The following RANBP2 variants were observed in gnomAD, a reference collection of about 807,000 sequenced individuals.
RANBP2 encodes the protein E3 SUMO-protein ligase RanBP2.
Under a neutral mutation model 303.6 loss-of-function variants are expected in RANBP2, and 57 were observed. That is an observed-to-expected ratio of 0.19 (90% CI 0.15 to 0.23). The LOEUF (loss-of-function observed/expected upper bound fraction) is 0.23. RANBP2 is among the 10% of genes least tolerant of loss of function. The pLI is 1.00. For synonymous variants in RANBP2, 1,167 were observed against 1,301.5 expected (o/e 0.90, Z 2.23); for missense variants, 3,138 against 3,780.8 (o/e 0.83, Z 4.46).
chr2:108,788,354 A>G (rs1679284126), downstream of RANBP2, among the ~76,000 whole-genome samples: 1 of 151,874 alleles, frequency 6.6e-6, no homozygotes, highest in South Asian at 2.1e-4. Context: ...CGGGAGGCAG[A>G]GGTTGCAGTG....
chr2:108,843,890 T>G, the RANBP2 span, among the ~76,000 whole-genome samples: 12 of 130,218 alleles, frequency 9.2e-5, no homozygotes, highest in South Asian at 3.2e-3. Flanking sequence ...TTCTTTCTTT[T>G]TTTTTTTTTT....
chr2:109,544,565 A>C, the RANBP2 span: 1 of 982,866 alleles, frequency 1.0e-6, no homozygotes, highest in Non-Finnish European at 1.2e-6. Context: ...GAGCAGGGTG[A>C]TAATTTTTAC....
chr2:109,352,583 A>G, the RANBP2 span, among the ~76,000 whole-genome samples: 1 of 152,210 alleles, frequency 6.6e-6, no homozygotes, highest in Non-Finnish European at 1.5e-5. Flanking sequence ...ATCATGAGAT[A>G]AGCTTGTGCG....
intron 21 of RANBP2, 29 bp downstream of exon 21, chr2:108,771,900 C>G: frequency 1.2e-6 from 2 of 1,613,320 alleles, no homozygotes; most frequent in Non-Finnish European, 1.7e-6. Flanking sequence ...CAAAAATCCT[C>G]TGTTCCCGCT....
the RANBP2 span, among the ~76,000 whole-genome samples, chr2:108,955,507 G>A: frequency 6.6e-6 from 1 of 152,132 alleles, no homozygotes; most frequent in Non-Finnish European, 1.5e-5. Context: ...TAGCACTCTG[G>A]GAGGCCGTGG....
the RANBP2 span, among the ~76,000 whole-genome samples, chr2:108,975,007 C>A: frequency 6.6e-6 from 1 of 152,222 alleles, no homozygotes; most frequent in African/African-American, 2.4e-5. Context: ...TGCAAGTCCC[C>A]TCAGCAAGCA....
chr2:109,303,101 C>G, the RANBP2 span, among the ~76,000 whole-genome samples: 26 of 152,286 alleles, frequency 1.7e-4, no homozygotes, highest in African/African-American at 5.8e-4. Flanking sequence ...GTCTCCAACT[C>G]CTGACCTCAG....
chr2:109,463,678 A>G, the RANBP2 span, among the ~76,000 whole-genome samples: 3 of 152,210 alleles, frequency 2.0e-5, no homozygotes, highest in Admixed American at 6.5e-5. Flanking sequence ...GGAGATGTTC[A>G]TGTTTGTTTC....
chr2:109,029,848 GA>G, the RANBP2 span, among the ~76,000 whole-genome samples: 1 of 152,220 alleles, frequency 6.6e-6, no homozygotes, highest in Non-Finnish European at 1.5e-5. Flanking sequence ...AATGGATGCA[GA>G]CATCCTTAGC....
chr2:109,719,351 T>C, the RANBP2 span, among the ~76,000 whole-genome samples: 1 of 151,002 alleles, frequency 6.6e-6, no homozygotes, highest in Non-Finnish European at 1.5e-5. Flanking sequence ...CCTCCCACCT[T>C]GGCCTCCCAA....
the RANBP2 span, among the ~76,000 whole-genome samples, chr2:109,278,265 C>CACTTT: frequency 6.6e-6 from 1 of 152,212 alleles, no homozygotes; most frequent in South Asian, 2.1e-4. Context: ...CCACGGTAGG[C>CACTTT]ACTTTATCGG....
At chr2:109,385,755 T>C in the RANBP2 span, among the ~76,000 whole-genome samples, 2 of 152,210 alleles carry the variant, frequency 1.3e-5, no homozygotes, top group Admixed American at 1.3e-4. Context: ...GTGGACTGTG[T>C]TATGGCTGCA....
At chr2:108,782,499 T>G in intron 27 of RANBP2, 29 bp from the exon 28 acceptor site, 1 of 1,613,418 alleles carries the variant, frequency 6.2e-7, no homozygotes, top group Non-Finnish European at 8.5e-7. Context: ...AATACTAAGG[T>G]CACTGCTTCC....
At chr2:109,123,084 C>A in the RANBP2 span, among the ~76,000 whole-genome samples, 1 of 152,150 alleles carries the variant, frequency 6.6e-6, no homozygotes, top group Admixed American at 6.5e-5. Flanking sequence ...CATCACACAG[C>A]TGGGAGATCA....
At chr2:109,033,955 CAAAA>C in the RANBP2 span, among the ~76,000 whole-genome samples, 924 of 106,892 alleles carry the variant, frequency 8.6e-3, 5 homozygotes, top group East Asian at 0.039. Flanking sequence ...ACCCTGACTC[CAAAA>C]AAAAAAAAAA....
chr2:109,082,799 C>G, the RANBP2 span, among the ~76,000 whole-genome samples: 12 of 150,060 alleles, frequency 8.0e-5, no homozygotes, highest in African/African-American at 2.9e-4. Flanking sequence ...GCACTCCAGC[C>G]TGGACGACAT....
At chr2:108,909,603 GGGCAGAGGCCT>G in the RANBP2 span, among the ~76,000 whole-genome samples, 1 of 152,216 alleles carries the variant, frequency 6.6e-6, no homozygotes, top group Non-Finnish European at 1.5e-5. Context: ...AGTGGCTGTC[GGGCAGAGGCCT>G]GGCAGGGGGG....
rs765276386 is a variant in RANBP2 at position 108,768,206 on chromosome 2, A to T, written c.7667A>T (p.Asn2556Ile). Reference protein sequence around the residue: ...GFSFNAPLKSNNSETSSVAQS... With the variant: ...GFSFNAPLKSINSETSSVAQS... ...AGTTTTAATGCACCTTTGAAAAGTA[A>T]CAATAGTGAAACTAGTTCAGTAGCC... is the stretch of plus-strand genomic sequence containing the variant. Residue 2556 changes from asparagine to isoleucine, a missense_variant, in exon 20 of 29, where the codon AAC becomes ATC. Asn to Ile is a moderately radical substitution (Grantham distance 149). Transcript: ENST00000283195. The T allele has an allele frequency of 1.9e-6, 3 of 1,612,028 alleles. No individual in the cohort carries two copies. Among genetic ancestry groups the T allele is most frequent in the Non-Finnish European group, 2.5e-6 (3 of 1,179,860 alleles).
the RANBP2 span, among the ~76,000 whole-genome samples, chr2:109,520,329 G>A: frequency 1.3e-4 from 20 of 152,084 alleles, no homozygotes; most frequent in African/African-American, 3.6e-4. Context: ...TTGGCCAGGC[G>A]CGGTGGCTCA....
Sources: gnomAD v4.1 joint callset for allele counts (sites outside exome capture counted in the v4.1 genomes callset) on GRCh38, gnomAD v4.1.1 for gene constraint, MANE v1.5 for transcripts, NCBI Gene and HGNC (gene_info 2026-07-23, HGNC 2026-07-21) for gene names.